SGCD: variants seen among roughly 807,000 people sequenced by gnomAD.
SGCD encodes delta-sarcoglycan.
SGCD carries 18 observed loss-of-function variants against 36.6 expected under a neutral mutation model. That is an observed-to-expected ratio of 0.49 (90% CI 0.34 to 0.73). The LOEUF (loss-of-function observed/expected upper bound fraction) is 0.73. Ranked by LOEUF, SGCD falls within the 30% of genes least tolerant of loss-of-function variation. SGCD has a pLI of 0.01. For synonymous variants in SGCD, 133 were observed against 130.6 expected (o/e 1.02, Z -0.12); for missense variants, 387 against 346.7 (o/e 1.12, Z -0.92).
At chr5:155,739,031 C>T in the SGCD span, among the ~76,000 whole-genome samples, 19 of 152,014 alleles carry the variant, frequency 1.2e-4, no homozygotes, top group Admixed American at 1.2e-3. Flanking sequence ...CAAATTGTAC[C>T]TCATTTATGC....
intron 3 of SGCD, among the ~76,000 whole-genome samples, chr5:156,142,915 A>G (rs539072511): frequency 2.6e-4 from 40 of 152,344 alleles, no homozygotes; most frequent in Non-Finnish European, 2.6e-4. Context: ...AATAATTCAA[A>G]TAGGCTGCAG....
chr5:156,610,282 G>C (rs1303284181), intron 6 of SGCD, among the ~76,000 whole-genome samples: 1 of 151,970 alleles, frequency 6.6e-6, no homozygotes, highest in Admixed American at 6.6e-5. Flanking sequence ...TCAGCTGCAG[G>C]TCTGTTGGAG....
intron 1 of SGCD, among the ~76,000 whole-genome samples, chr5:156,016,490 C>T (rs1268307581): frequency 2.0e-5 from 3 of 152,056 alleles, no homozygotes; most frequent in Non-Finnish European, 4.4e-5. Flanking sequence ...TTGTCCCATC[C>T]CTTATCTTTT....
At chr5:156,337,781 G>C (rs532347990) in intron 2 of SGCD, among the ~76,000 whole-genome samples, 2 of 152,198 alleles carry the variant, frequency 1.3e-5, no homozygotes, top group African/African-American at 4.8e-5. Context: ...CCTTTTGAAG[G>C]CCTTTATCTC....
chr5:155,841,674 T>C, the SGCD span, among the ~76,000 whole-genome samples: 2 of 152,218 alleles, frequency 1.3e-5, no homozygotes, highest in East Asian at 3.8e-4. Context: ...ATGCCATTTC[T>C]GAAAGTTTAT....
intron 3 of SGCD, among the ~76,000 whole-genome samples, chr5:156,165,737 G>C (rs765469615): frequency 6.6e-6 from 1 of 152,160 alleles, no homozygotes; most frequent in Non-Finnish European, 1.5e-5. Flanking sequence ...CAAACTGTTT[G>C]AAAGTTACAG....
At chr5:155,915,323 C>A (rs1756713855) in intron 1 of SGCD, among the ~76,000 whole-genome samples, 1 of 152,042 alleles carries the variant, frequency 6.6e-6, no homozygotes. Flanking sequence ...TTTTCGTTCC[C>A]CAAGAACTCA....
In SGCD at chr5:156,344,664, T is replaced by C. The variant is rs764153825; in HGVS notation, c.179T>C (p.Met60Thr). The C allele has an allele frequency of 6.2e-7, 1 of 1,602,888 alleles. No homozygotes were observed. The highest frequency in any genetic ancestry group is 8.5e-7 in the Non-Finnish European group (1 of 1,174,956). The change falls in exon 3 of 9, where the codon ATG (methionine) becomes ACG (threonine). Residue 60 changes from methionine to threonine, a missense_variant. By Grantham distance (81) the Met-to-Thr change is moderately conservative (BLOSUM62 -1). Transcript: ENST00000337851. ...ATGACCATCTGGATTCTCAAAGTCA[T>C]GAACTTCACAATTGTAAGTAAAACC... ...LAMTIWILKV[M>T]NFTIDGMGNL... is the part of the protein sequence containing the mutation.
Position 156,230,886 on chromosome 5 carries a change from AC to A in SGCD, c.-43-98647del, listed in dbSNP as rs1764998414. On this transcript the variant is annotated intron_variant, in intron 3 of 9. Coordinates refer to the SGCD transcript ENST00000517913. The stretch of plus-strand genomic sequence containing the variant: ...AATTCTAAAAAACGCTAGTATATTT[AC>A]TGATCATCACCTATATCATTAGTAT... Among the ~76,000 whole-genome samples, 3 of 152,222 alleles carry A rather than the reference AC, an allele frequency of 2.0e-5. No homozygotes were observed. In the South Asian group the frequency reaches 6.2e-4, roughly 31 times the overall value.
intron 1 of SGCD, among the ~76,000 whole-genome samples, chr5:156,091,564 A>C (rs1042460485): frequency 1.3e-5 from 2 of 152,192 alleles, no homozygotes. Context: ...TCCAATCTGG[A>C]GTATTCATTG....
rs1758866210 is a variant in SGCD at position 156,011,786 on chromosome 5, C to T, written c.-281-106092C>T. 2.0e-5 allele frequency among the ~76,000 whole-genome samples: 3 copies of T among 152,164 alleles called. No homozygotes were observed. In the South Asian group the frequency reaches 6.2e-4, roughly 32 times the overall value. On this transcript the variant is annotated intron_variant, in intron 1 of 9. Transcript: ENST00000517913. ...AACTTTGAATAATACCTGGATTCTT[C>T]TCTGCACTTTTTCTGTAAATCCAGA...
intron 1 of SGCD, among the ~76,000 whole-genome samples, chr5:156,078,816 A>T (rs1045197732): frequency 6.6e-6 from 1 of 150,478 alleles, no homozygotes; most frequent in Non-Finnish European, 1.5e-5. Context: ...TACCAATTTT[A>T]TTCAGGTTTT....
chr5:156,131,310 T>G (rs1236053907), intron 3 of SGCD, among the ~76,000 whole-genome samples: 2 of 152,228 alleles, frequency 1.3e-5, no homozygotes, highest in African/African-American at 4.8e-5. Flanking sequence ...TCTGGGTGTA[T>G]GACCAATGAC....
Position 156,528,232 on chromosome 5 carries a change from C to T in SGCD, c.294+19530C>T, listed in dbSNP as rs564143658. Among the ~76,000 whole-genome samples, 3 of 152,246 alleles carry T rather than the reference C, an allele frequency of 2.0e-5. No homozygotes were observed. In the South Asian group the frequency reaches 6.2e-4, roughly 32 times the overall value. Reference sequence around the variant, plus strand: ...GTTACTTGACCTTTTCTGTGCCTCACTTTACTCCTCTGAAAAATGGGCATA... The same window carrying T: ...GTTACTTGACCTTTTCTGTGCCTCATTTTACTCCTCTGAAAAATGGGCATA... On this transcript the variant is annotated intron_variant, in intron 4 of 8. Coordinates refer to ENST00000337851, the MANE Select transcript of SGCD (RefSeq NM_000337.6).
chr5:156,152,445 G>A (rs988063894), intron 3 of SGCD, among the ~76,000 whole-genome samples: 2 of 151,586 alleles, frequency 1.3e-5, no homozygotes, highest in Non-Finnish European at 2.9e-5. Context: ...CTGGCCATGT[G>A]TGGCAATTAA....
intron 7 of SGCD, among the ~76,000 whole-genome samples, chr5:156,669,544 G>GAA (rs1753203083): frequency 6.6e-6 from 1 of 152,130 alleles, no homozygotes; most frequent in Non-Finnish European, 1.5e-5. Context: ...AGTAATTCAG[G>GAA]TAAGCACAAT....
At chr5:156,028,377 G>A (rs770806174) in intron 1 of SGCD, among the ~76,000 whole-genome samples, 22 of 152,118 alleles carry the variant, frequency 1.4e-4, no homozygotes, top group Admixed American at 2.0e-4. Context: ...ACTTTCTAGA[G>A]TCAGACAGAA....
chr5:156,423,586 T>C (rs1773526587), intron 3 of SGCD, among the ~76,000 whole-genome samples: 1 of 150,942 alleles, frequency 6.6e-6, no homozygotes, highest in Non-Finnish European at 1.5e-5. Flanking sequence ...TGTTACAATT[T>C]GCATCTTGAG....
At chr5:155,838,280 A>C in the SGCD span, among the ~76,000 whole-genome samples, 1 of 152,176 alleles carries the variant, frequency 6.6e-6, no homozygotes, top group Non-Finnish European at 1.5e-5. Context: ...ATTCCTTTTT[A>C]AACAAATTAA....
Sources: gnomAD v4.1 joint callset for allele counts (sites outside exome capture counted in the v4.1 genomes callset) on GRCh38, gnomAD v4.1.1 for gene constraint, MANE v1.5 for transcripts, NCBI Gene and HGNC (gene_info 2026-07-23, HGNC 2026-07-21) for gene names.